Variants in GIGYF2 observed in about 807,000 individuals in gnomAD.
The protein encoded by GIGYF2 is GRB10 interacting GYF protein 2.
In GIGYF2, 25 loss-of-function variants were observed where a neutral mutation model predicts 208.1. That is an observed-to-expected ratio of 0.12 (90% CI 0.09 to 0.17). The LOEUF (loss-of-function observed/expected upper bound fraction) is 0.17, where lower values mean the gene tolerates loss of function less well. GIGYF2 is among the 10% of genes least tolerant of loss of function. The pLI, the probability that GIGYF2 is intolerant of heterozygous loss-of-function variation, is 1.00. For missense variants in GIGYF2, 1,302 were observed against 1,579.4 expected, an observed-to-expected ratio of 0.82 and a Z score of 2.98; for synonymous variants, 534 against 543.8, an observed-to-expected ratio of 0.98 and a Z score of 0.25.
At chr2:232,795,031 T>G (rs1404665146) in intron 13 of GIGYF2, 87 bp downstream of exon 13, 2 of 989,212 alleles carry the variant, frequency 2.0e-6, no homozygotes, top group Non-Finnish European at 3.3e-6. Flanking sequence ...CATAAAACTT[T>G]TGTCACTAGA....
In GIGYF2 at chr2:232,746,108, A is replaced by G. The variant is rs955492170; in HGVS notation, c.42-1507A>G. On this transcript the variant is annotated intron_variant, in intron 3 of 28. Transcript: ENST00000373563. ...CCCTGTCTCTACAGAAAATACAAAA[A>G]TTACACGGGAGTTTGTCATCTGCTT... 1.6e-4 allele frequency among the ~76,000 whole-genome samples: 25 copies of G among 152,132 alleles called. 1 individual carries two copies. Among genetic ancestry groups the G allele is most frequent in the Admixed American group, 4.6e-4 (7 of 15,268 alleles).
At chr2:232,710,548 G>A (rs531429181) in intron 2 of GIGYF2, among the ~76,000 whole-genome samples, 1 of 152,156 alleles carries the variant, frequency 6.6e-6, no homozygotes, top group African/African-American at 2.4e-5. Flanking sequence ...GTCTTCATAG[G>A]CTTTACAGCC....
rs982812837 is a variant in GIGYF2 at position 232,760,717 on chromosome 2, T to G, written c.491+126T>G. ...CATTTTAAAAAATGCTCTTAAGTAT[T>G]GAACATCAAGTTGTACATTAGAAAT... On this transcript the variant is annotated intron_variant, in intron 7 of 28. Coordinates refer to ENST00000373563, the MANE Select transcript of GIGYF2 (RefSeq NM_001103146.3). The G allele has an allele frequency of 2.8e-5, 19 of 680,184 alleles. No individual in the cohort carries two copies. In the Admixed American group the frequency reaches 3.1e-4, roughly 11 times the overall value. The allele number at this position is 680,184 out of a possible 1,614,324, so 42.1% of individuals were successfully genotyped here. A position where few individuals can be genotyped will look rare whatever the true frequency, so the allele number is the denominator to read the frequency against.
In GIGYF2 at chr2:232,813,881, ATTT is replaced by A. The variant is rs397871962; in HGVS notation, c.2107+1412_2107+1414del. Reference sequence around the variant, plus strand: ...AGCATTGACATGATTTCACAAGTGGATTTTTTTTTTTTTTTTTTTTTTTTGAGA... The same window carrying A: ...AGCATTGACATGATTTCACAAGTGGATTTTTTTTTTTTTTTTTTTTTGAGA... On this transcript the variant is annotated intron_variant, in intron 18 of 28. Transcript: ENST00000373563. 9.9e-3 allele frequency among the ~76,000 whole-genome samples: 729 copies of A among 73,550 alleles called. 4 individuals carry two copies. The highest frequency in any genetic ancestry group is 0.033 in the African/African-American group (676 of 20,262). The allele number at this position is 73,550 out of a possible 152,430, so 48.3% of individuals were successfully genotyped here.
intron 28 of GIGYF2, among the ~76,000 whole-genome samples, chr2:232,850,621 ATGGTGCTTTAAAGTATTGTT>A (rs1052389481): frequency 2.6e-5 from 4 of 152,216 alleles, no homozygotes; most frequent in South Asian, 2.1e-4. Context: ...CTTATATTGT[ATGGTGCTTTAAAGTATTGTT>A]TGGTGCTTTA....
intron 8 of GIGYF2, among the ~76,000 whole-genome samples, chr2:232,779,993 G>A (rs1699656283): frequency 6.6e-6 from 1 of 152,056 alleles, no homozygotes; most frequent in African/African-American, 2.4e-5. Context: ...GTAATACAAA[G>A]TCACTCCTTA....
chr2:232,710,686 G>GGT (rs1696350193), intron 2 of GIGYF2, among the ~76,000 whole-genome samples: 1 of 146,592 alleles, frequency 6.8e-6, no homozygotes, highest in Admixed American at 7.0e-5. Flanking sequence ...TTTGGATCTT[G>GGT]GTGTTCTTTT....
chr2:232,833,225 T>C (rs1281502228), intron 22 of GIGYF2, 132 bp downstream of exon 22: 6 of 410,766 alleles, frequency 1.5e-5, no homozygotes, highest in Non-Finnish European at 2.0e-5. Flanking sequence ...AAATTATTTA[T>C]TTATTTTTGA....
intron 2 of GIGYF2, among the ~76,000 whole-genome samples, chr2:232,730,759 G>A (rs1330070982): frequency 6.1e-5 from 9 of 147,946 alleles, no homozygotes; most frequent in African/African-American, 7.4e-5. Flanking sequence ...TTAGCCGGGC[G>A]TAGTGGCGGG....
At chr2:232,856,258 A>G (rs1289890005) in intron 28 of GIGYF2, among the ~76,000 whole-genome samples, 3 of 152,058 alleles carry the variant, frequency 2.0e-5, no homozygotes, top group Non-Finnish European at 4.4e-5. Flanking sequence ...TGGTGATGCT[A>G]TTTTGTTTTA....
intron 3 of GIGYF2, among the ~76,000 whole-genome samples, chr2:232,743,478 A>G (rs750158662): frequency 6.6e-5 from 10 of 152,014 alleles, no homozygotes; most frequent in East Asian, 1.9e-4. Flanking sequence ...ACTTGTGTCA[A>G]TGGGGGTTTG....
chr2:232,797,929 C>T (rs1452384798), intron 14 of GIGYF2, among the ~76,000 whole-genome samples: 1 of 143,132 alleles, frequency 7.0e-6, no homozygotes, highest in African/African-American at 2.7e-5. Context: ...TGCTGTGAGC[C>T]GAGATTGTGC....
chr2:232,856,907 G>A lies in GIGYF2; in HGVS notation c.*47G>A, dbSNP rs1690599775. On this transcript the variant is annotated 3_prime_UTR_variant, in exon 29 of 29. Transcript: ENST00000373563. ...ATCCCTCTCCTGTCTGCCGACTATG[G>A]AGTCTCCACCTTTGGACACAACACT... 2 of 1,264,718 alleles carry A rather than the reference G, an allele frequency of 1.6e-6. No homozygotes were observed. The highest frequency in any genetic ancestry group is 2.3e-6 in the Non-Finnish European group (2 of 860,484). 78.3% of individuals were successfully genotyped at this position (1,264,718 alleles called of 1,614,324 possible).
chr2:232,773,961 A>G (rs969278253), intron 8 of GIGYF2, among the ~76,000 whole-genome samples: 1 of 150,498 alleles, frequency 6.6e-6, no homozygotes, highest in African/African-American at 2.4e-5. Context: ...AGTAATAAGT[A>G]TCACTATTAG....
intron 9 of GIGYF2, 84 bp downstream of exon 9, chr2:232,787,413 A>C: frequency 1.6e-6 from 2 of 1,216,762 alleles, no homozygotes; most frequent in Non-Finnish European, 1.2e-6. Flanking sequence ...AAAAAGATAA[A>C]CTGGCTTAAA....
intron 18 of GIGYF2, among the ~76,000 whole-genome samples, chr2:232,813,956 C>T (rs571299773): frequency 1.4e-5 from 2 of 140,278 alleles, no homozygotes; most frequent in East Asian, 2.2e-4. Flanking sequence ...GGCACAATCT[C>T]GGGTCACTGC....
chr2:232,756,701 GT>G (rs1296960051), intron 6 of GIGYF2, among the ~76,000 whole-genome samples: 9 of 152,186 alleles, frequency 5.9e-5, no homozygotes, highest in Non-Finnish European at 1.2e-4. Flanking sequence ...CTCTGTGACA[GT>G]TTCTGTGTGA....
At chr2:232,824,146 G>T (rs6712109) in intron 21 of GIGYF2, among the ~76,000 whole-genome samples, 1 of 151,990 alleles carries the variant, frequency 6.6e-6, no homozygotes, top group Non-Finnish European at 1.5e-5. Context: ...CTCCCTATTC[G>T]CTGAGACACA....
chr2:232,791,195 C>CT lies in GIGYF2; in HGVS notation c.1093+33dup, dbSNP rs774744923. ...GGTAAGGCCTCTTCTTGCCCTTTGC[C>CT]TTTTTTTTCCTCCATCAAACCAAAA... On this transcript the variant is annotated intron_variant, in intron 11 of 28. Transcript: ENST00000373563. 20 of 1,613,198 alleles carry CT rather than the reference C, an allele frequency of 1.2e-5. 1 individual carries two copies. Among genetic ancestry groups the CT allele is most frequent in the Admixed American group, 1.7e-5 (1 of 59,946 alleles).
Sources: gnomAD v4.1 joint callset for allele counts (sites outside exome capture counted in the v4.1 genomes callset) on GRCh38, gnomAD v4.1.1 for gene constraint, MANE v1.5 for transcripts, NCBI Gene and HGNC (gene_info 2026-07-23, HGNC 2026-07-21) for gene names.